CYP39A1: variants seen among roughly 807,000 people sequenced by gnomAD.
CYP39A1 encodes cytochrome P450 family 39 subfamily A member 1.
CYP39A1 carries 49 observed loss-of-function variants against 58.1 expected under a neutral mutation model. That is an observed-to-expected ratio of 0.84 (90% CI 0.67 to 1.07). The LOEUF (loss-of-function observed/expected upper bound fraction) is 1.07. Among genes scored for constraint, CYP39A1 ranks in the 50% least tolerant of loss-of-function variants. The probability of loss-of-function intolerance (pLI) is 0.00; values close to 1 mark genes in which losing one functional copy is unlikely to be tolerated. For synonymous variants in CYP39A1, 209 were observed against 187.6 expected, an observed-to-expected ratio of 1.11 and a Z score of -0.93; for missense variants, 531 against 539.4, an observed-to-expected ratio of 0.98 and a Z score of 0.16.
chr6:46,649,216 G>A (rs1159100634), intron 1 of CYP39A1, among the ~76,000 whole-genome samples: 4 of 152,306 alleles, frequency 2.6e-5, no homozygotes, highest in African/African-American at 9.6e-5. Context: ...TTTTACTGGG[G>A]TTGGCCAGGG....
At chr6:46,608,123 T>G (rs139696749) in intron 7 of CYP39A1, among the ~76,000 whole-genome samples, 1 of 152,368 alleles carries the variant, frequency 6.6e-6, no homozygotes, top group African/African-American at 2.4e-5. Context: ...TTTACAATAG[T>G]AATATCTTCA....
chr6:46,627,928 A>T (rs983733102), intron 6 of CYP39A1, among the ~76,000 whole-genome samples: 13 of 152,188 alleles, frequency 8.5e-5, no homozygotes, highest in Admixed American at 8.5e-4. Flanking sequence ...AGTACCAATT[A>T]GTATTTTGTA....
chr6:46,620,610 T>C (rs899325086), intron 7 of CYP39A1, among the ~76,000 whole-genome samples: 1 of 152,092 alleles, frequency 6.6e-6, no homozygotes, highest in Non-Finnish European at 1.5e-5. Context: ...GCTTTACTCA[T>C]GTTCAGGAAA....
intron 1 of CYP39A1, among the ~76,000 whole-genome samples, chr6:46,647,495 T>C (rs907099977): frequency 1.3e-5 from 2 of 152,212 alleles, no homozygotes; most frequent in Non-Finnish European, 2.9e-5. Context: ...TTTGTCTTTT[T>C]GGGGGCTGCT....
chr6:46,550,433 T>C lies in CYP39A1; in HGVS notation c.1343A>G (p.Tyr448Cys), dbSNP rs887377700. 1.9e-6 allele frequency: 3 copies of C among 1,611,296 alleles called. No homozygotes were observed. Among genetic ancestry groups the C allele is most frequent in the Admixed American group, 1.7e-5 (1 of 59,570 alleles). The change falls in exon 12 of 12, where the codon TAT becomes TGT. Residue 448 changes from tyrosine to cysteine, a missense_variant. Transcript: ENST00000275016. ...SLLDPLPKQS[Y>C]LHLVGVPQPE... Reference sequence around the variant, plus strand: ...CTGGGGGACACCCACCAAATGGAGATAACTCTAAAAACAGAAATGCAGAAG... The same window carrying C: ...CTGGGGGACACCCACCAAATGGAGACAACTCTAAAAACAGAAATGCAGAAG...
intron 7 of CYP39A1, among the ~76,000 whole-genome samples, chr6:46,600,080 C>A (rs1773394953): frequency 6.6e-6 from 1 of 151,996 alleles, no homozygotes; most frequent in Non-Finnish European, 1.5e-5. Flanking sequence ...AGAGGAGCAT[C>A]TTTTGGTATT....
At chr6:46,636,837 G>A (rs572435308) in intron 4 of CYP39A1, among the ~76,000 whole-genome samples, 35 of 152,242 alleles carry the variant, frequency 2.3e-4, no homozygotes, top group African/African-American at 5.1e-4. Context: ...GACTTAAGCC[G>A]GGAAAAACAA....
In CYP39A1 at chr6:46,575,588, G is replaced by T. The variant is rs551899173; in HGVS notation, c.1250+11489C>A. ...CCACATTGATGTGCACTCACTCATA[G>T]CATCCCCCTGTCCCCACCTCACTGG... On this transcript the variant is annotated intron_variant, in intron 10 of 11. Coordinates refer to ENST00000275016, the MANE Select transcript of CYP39A1 (RefSeq NM_016593.5). Among the ~76,000 whole-genome samples the T allele has an allele frequency of 5.3e-5, 8 of 152,224 alleles. No individual in the cohort carries two copies. The East Asian group carries it at 1.5e-3, about 29-fold the overall frequency.
intron 6 of CYP39A1, among the ~76,000 whole-genome samples, chr6:46,627,329 C>G (rs760008056): frequency 2.6e-5 from 4 of 152,130 alleles, no homozygotes; most frequent in Non-Finnish European, 5.9e-5. Context: ...CTAAATATAG[C>G]TTTAGAGATT....
chr6:46,627,734 A>T (rs555510473), intron 6 of CYP39A1, among the ~76,000 whole-genome samples: 72 of 152,158 alleles, frequency 4.7e-4, no homozygotes, highest in African/African-American at 1.7e-3. Flanking sequence ...TTTTTCCTTA[A>T]CAGATTACAG....
chr6:46,650,484 CTTTTTTTTTTTTTTTTT>C (rs567314746), intron 1 of CYP39A1, among the ~76,000 whole-genome samples: 10 of 35,192 alleles, frequency 2.8e-4, no homozygotes, highest in South Asian at 1.9e-3. Flanking sequence ...CAGTCATATT[CTTTTTTTTTTTTTTTTT>C]TTTTTTTTTT....
chr6:46,630,165 G>C (rs1193725271), intron 6 of CYP39A1, among the ~76,000 whole-genome samples: 1 of 151,976 alleles, frequency 6.6e-6, no homozygotes, highest in Non-Finnish European at 1.5e-5. Context: ...TTTAAGTCTT[G>C]CCTCTCTTTA....
intron 8 of CYP39A1, among the ~76,000 whole-genome samples, chr6:46,593,254 G>A (rs1772950058): frequency 6.6e-6 from 1 of 152,124 alleles, no homozygotes; most frequent in South Asian, 2.1e-4. Context: ...ACATCTGTGT[G>A]CATGTGTTTG....
At chr6:46,551,887 T>G (rs886332959) in intron 11 of CYP39A1, among the ~76,000 whole-genome samples, 2 of 152,186 alleles carry the variant, frequency 1.3e-5, no homozygotes, top group Non-Finnish European at 2.9e-5. Flanking sequence ...TAATTGATGT[T>G]TCTCATTCTA....
chr6:46,602,245 G>A (rs1013234622), intron 7 of CYP39A1, among the ~76,000 whole-genome samples: 4 of 152,152 alleles, frequency 2.6e-5, no homozygotes, highest in African/African-American at 9.7e-5. Flanking sequence ...GCAATGGGAG[G>A]TATGTAGAGA....
At position 46,573,509 on chromosome 6, in the gene CYP39A1, CT is replaced by C. The variant is rs1432304934; in HGVS notation, c.1250+13567del. On this transcript the variant is annotated intron_variant, in intron 10 of 11. Coordinates refer to ENST00000275016, the MANE Select transcript of CYP39A1 (RefSeq NM_016593.5). ...AGATTGCTGTGGTCCTCCTGCTATT[CT>C]TTTTCCTGGGGCCGCCTATGACACT... 5.9e-5 allele frequency among the ~76,000 whole-genome samples: 9 copies of C among 152,256 alleles called. No homozygotes were observed. In the East Asian group the frequency reaches 1.7e-3, roughly 29 times the overall value.
chr6:46,647,715 A>G (rs1408338874), intron 1 of CYP39A1, among the ~76,000 whole-genome samples: 1 of 152,184 alleles, frequency 6.6e-6, no homozygotes, highest in Non-Finnish European at 1.5e-5. Flanking sequence ...TGTGTTTTCA[A>G]GTAATGTTTC....
chr6:46,564,330 AT>A (rs1189750275), intron 10 of CYP39A1, among the ~76,000 whole-genome samples: 2 of 151,626 alleles, frequency 1.3e-5, no homozygotes, highest in Non-Finnish European at 2.9e-5. Flanking sequence ...AGTAGCTGGG[AT>A]TATAGGCACC....
intron 6 of CYP39A1, among the ~76,000 whole-genome samples, chr6:46,627,777 A>G (rs6937333): frequency 0.084 from 12,836 of 152,224 alleles, 1,753 homozygotes; most frequent in African/African-American, 0.29. Flanking sequence ...TAAAAAAGCC[A>G]AAGTATTTTT....
Sources: allele counts gnomAD v4.1 joint callset (sites outside exome capture counted in the v4.1 genomes callset), GRCh38; gene constraint gnomAD v4.1.1; transcripts MANE v1.5; gene names NCBI Gene and HGNC (gene_info 2026-07-23, HGNC 2026-07-21).